Variants in MAGED1 observed in about 807,000 individuals in gnomAD.
MAGED1 encodes melanoma-associated antigen D1.
Under a neutral mutation model 54.1 loss-of-function variants are expected in MAGED1, and 3 were observed. The ratio of observed to expected loss-of-function variants is 0.06; its 90% CI spans 0.03 to 0.14. MAGED1 has a LOEUF of 0.14. Ranked by LOEUF, MAGED1 falls within the 10% of genes least tolerant of loss-of-function variation. MAGED1 has a pLI of 1.00. For synonymous variants in MAGED1, 217 were observed against 227.3 expected, an observed-to-expected ratio of 0.95 and a Z score of 0.41; for missense variants, 485 against 623.4, an observed-to-expected ratio of 0.78 and a Z score of 2.36.
chrX:51,898,340 T>C lies in MAGED1; in HGVS notation c.1781+13T>C, dbSNP rs1283476233. On this transcript the variant is annotated intron_variant, in intron 9 of 12. Coordinates refer to ENST00000326587, the MANE Select transcript of MAGED1 (RefSeq NM_006986.4). ...GACTGCGTCCTGGGTATGATTGGGC[T>C]CTCTCATCTCTTGCCTGTTTGTGCC... 3 of 1,207,830 alleles carry C rather than the reference T, an allele frequency of 2.5e-6. No homozygotes were observed. Among genetic ancestry groups the C allele is most frequent in the East Asian group, 5.9e-5 (2 of 33,721 alleles).
rs782242302 is a variant in MAGED1 at position 51,897,568 on chromosome X, G to A, written c.1508G>A (p.Arg503His). The change falls in exon 6 of 13, where the codon CGT (arginine) becomes CAT (histidine). Residue 503 changes from arginine (R) to histidine (H), a missense_variant. Transcript: ENST00000326587. ...ACAGAAATGCTGAGAGATATCATCCGTGAATACACTGATGTTTATCCAGAA... is the reference window on the plus strand; with the variant it reads ...ACAGAAATGCTGAGAGATATCATCCATGAATACACTGATGTTTATCCAGAA... ...KRSEMLRDIIREYTDVYPEII... is the reference protein window; with the variant it reads ...KRSEMLRDIIHEYTDVYPEII... 1.7e-6 allele frequency: 2 copies of A among 1,207,884 alleles called. No individual in the cohort carries two copies. The highest frequency in any genetic ancestry group is 2.2e-6 in the Non-Finnish European group (2 of 893,116).
At chrX:51,804,773 A>G (rs782154754) in intron 1 of MAGED1, among the ~76,000 whole-genome samples, 53 of 112,036 alleles carry the variant, frequency 4.7e-4, no homozygotes, top group African/African-American at 1.7e-3. Flanking sequence ...GACGGGTTCT[A>G]CTATTTTAGA....
At chrX:51,842,406 G>A (rs1208794719) in intron 1 of MAGED1, among the ~76,000 whole-genome samples, 2 of 111,504 alleles carry the variant, frequency 1.8e-5, no homozygotes, top group African/African-American at 6.5e-5. Flanking sequence ...CCTTCTACAT[G>A]TAGTATACTT....
chrX:51,882,339 A>T (rs1018518557), intron 1 of MAGED1, among the ~76,000 whole-genome samples: 48 of 111,856 alleles, frequency 4.3e-4, no homozygotes, highest in African/African-American at 1.1e-3. Context: ...ATAGATTTTT[A>T]AAAAAATAAA....
chrX:51,823,770 G>T (rs1294861565), intron 1 of MAGED1, among the ~76,000 whole-genome samples: 5 of 110,165 alleles, frequency 4.5e-5, no homozygotes, highest in African/African-American at 1.6e-4. Context: ...TTCCCTTGTT[G>T]TTTCTTTGCT....
chrX:51,863,939 G>T (rs1927371203), intron 1 of MAGED1, among the ~76,000 whole-genome samples: 1 of 110,424 alleles, frequency 9.1e-6, no homozygotes, highest in African/African-American at 3.3e-5. Context: ...TAATCTGTGG[G>T]TTGCCTTTTC....
At chrX:51,860,770 C>G (rs1927252256) in intron 1 of MAGED1, among the ~76,000 whole-genome samples, 1 of 109,969 alleles carries the variant, frequency 9.1e-6, no homozygotes. Context: ...AGACCCAAGG[C>G]AGAATCTCAG....
rs782154705 is a variant in MAGED1, at chrX:51,895,673, C to T, written c.666C>T (p.Asp222=). ...IETDPGISEP[D]GATAQTSADG... ...CCGACCCAGGTATCTCTGAACCTGA[C>T]GGTGCAACTGCACAGACATCAGCAG... is the stretch of plus-strand genomic sequence containing the variant. The change falls in exon 3 of 13, where the codon GAC becomes GAT. Residue 222 remains aspartate, a synonymous_variant. Coordinates refer to ENST00000326587, the MANE Select transcript of MAGED1 (RefSeq NM_006986.4). 133 of 1,204,693 alleles carry T rather than the reference C, an allele frequency of 1.1e-4. No homozygotes were observed. Among genetic ancestry groups the T allele is most frequent in the African/African-American group, 1.6e-4 (9 of 57,219 alleles).
At chrX:51,853,767 T>G (rs1432655209) in intron 1 of MAGED1, among the ~76,000 whole-genome samples, 2 of 112,445 alleles carry the variant, frequency 1.8e-5, no homozygotes, top group African/African-American at 6.5e-5. Flanking sequence ...ACCTGATGAT[T>G]GGTCCAAATA....
chrX:51,896,982 C>T lies in MAGED1; in HGVS notation c.1327C>T (p.Arg443Cys), dbSNP rs377687584. ...WPIPPDWQNL[R>C]PSPNLRPSPN... Reference sequence around the variant, plus strand: ...AATTCCACCTGACTGGCAGAACCTGCGCCCCTCGCCTAACCTGCGCCCTTC... The same window carrying T: ...AATTCCACCTGACTGGCAGAACCTGTGCCCCTCGCCTAACCTGCGCCCTTC... The change falls in exon 4 of 13, where the codon CGC becomes TGC. Residue 443 changes from arginine (R) to cysteine (C), a missense_variant. Coordinates refer to ENST00000326587, the MANE Select transcript of MAGED1 (RefSeq NM_006986.4). 21 of 1,209,196 alleles carry T rather than the reference C, an allele frequency of 1.7e-5. No homozygotes were observed. The highest frequency in any genetic ancestry group is 5.2e-5 in the African/African-American group (3 of 57,223).
chrX:51,826,732 A>G (rs1925863367), intron 1 of MAGED1, among the ~76,000 whole-genome samples: 1 of 112,650 alleles, frequency 8.9e-6, no homozygotes, highest in African/African-American at 3.2e-5. Context: ...AGAACATCAC[A>G]TACTGGTGGA....
intron 10 of MAGED1, chrX:51,899,794 C>T (rs1928926976): frequency 6.7e-6 from 1 of 149,006 alleles, no homozygotes; most frequent in African/African-American, 3.2e-5. Flanking sequence ...CAAGTGAAGC[C>T]CATCCACCAT....
At chrX:51,840,445 TTATTA>T (rs1314968780) in intron 1 of MAGED1, among the ~76,000 whole-genome samples, 1 of 109,613 alleles carries the variant, frequency 9.1e-6, no homozygotes, top group Non-Finnish European at 1.9e-5. Flanking sequence ...AATTTTATTA[TTATTA>T]TATTTTAAGT....
rs782412901 is a variant in MAGED1 at position 51,896,518 on chromosome X, C to G, written c.863C>G (p.Pro288Arg). The G allele has an allele frequency of 4.1e-6, 5 of 1,210,280 alleles. No homozygotes were observed. In the South Asian group the frequency reaches 7.0e-5, roughly 17 times the overall value. The change falls in exon 4 of 13, where the codon CCT becomes CGT. Residue 288 changes from proline (P) to arginine (R), a missense_variant. Physicochemically the swap from Pro to Arg is moderately radical, Grantham distance 103. This residue lies in a region of MAGED1 where 299 missense variants were observed against 293.1 expected (regional missense o/e 1.02). Transcript: ENST00000326587. ...APVPVTTQNP[P>R]GAPPNVLWQT... Reference sequence around the variant, plus strand: ...GTTCCAGTGACCACTCAGAACCCACCTGGCGCACCCCCCAATGTGCTCTGG... The same window carrying G: ...GTTCCAGTGACCACTCAGAACCCACGTGGCGCACCCCCCAATGTGCTCTGG...
At chrX:51,845,259 C>CAACAA (rs1450120788) in intron 1 of MAGED1, among the ~76,000 whole-genome samples, 1 of 110,861 alleles carries the variant, frequency 9.0e-6, no homozygotes, top group Non-Finnish European at 1.9e-5. Flanking sequence ...CAAAAACAAG[C>CAACAA]AACAAAACAA....
chrX:51,881,465 G>C (rs1160056742), intron 1 of MAGED1, among the ~76,000 whole-genome samples: 1 of 107,947 alleles, frequency 9.3e-6, no homozygotes, highest in Non-Finnish European at 1.9e-5. Context: ...GCCCAGGCTG[G>C]AGTGCAATGG....
chrX:51,807,440 C>A (rs1278029829), intron 1 of MAGED1, among the ~76,000 whole-genome samples: 1 of 111,097 alleles, frequency 9.0e-6, no homozygotes, highest in African/African-American at 3.3e-5. Context: ...ATTCTAATAT[C>A]ATTCCGTTCA....
At chrX:51,880,240 C>A (rs1375344916) in intron 1 of MAGED1, among the ~76,000 whole-genome samples, 1 of 112,085 alleles carries the variant, frequency 8.9e-6, no homozygotes, top group Non-Finnish European at 1.9e-5. Context: ...GGACCCAAAG[C>A]AGCTTTACAG....
chrX:51,846,001 C>T (rs1557359238), intron 1 of MAGED1, among the ~76,000 whole-genome samples: 1 of 110,654 alleles, frequency 9.0e-6, no homozygotes, highest in African/African-American at 3.3e-5. Context: ...GTCTTGAATT[C>T]CTGAGCTCAA....
Sources: allele counts gnomAD v4.1 joint callset (sites outside exome capture counted in the v4.1 genomes callset), GRCh38; gene constraint gnomAD v4.1.1; regional missense constraint gnomAD v4.1.1; transcripts MANE v1.5; gene names NCBI Gene and HGNC (gene_info 2026-07-23, HGNC 2026-07-21).